The following SMYD3 variants were observed in gnomAD, a reference collection of about 807,000 sequenced individuals.
SMYD3 encodes SET and MYND domain containing 3, also known as histone-lysine N-methyltransferase SMYD3.
Under a neutral mutation model 57.7 loss-of-function variants are expected in SMYD3, and 36 were observed. That is an observed-to-expected ratio of 0.62 (90% CI 0.48 to 0.82). SMYD3 has a LOEUF of 0.82. Ranked by LOEUF, SMYD3 falls within the 40% of genes least tolerant of loss-of-function variation. The pLI is 0.00. For synonymous variants in SMYD3, 211 were observed against 195.0 expected (o/e 1.08, Z -0.68); for missense variants, 515 against 538.8 (o/e 0.96, Z 0.44).
chr1:245,957,012 A>C (rs1346602140), intron 5 of SMYD3, among the ~76,000 whole-genome samples: 1 of 152,180 alleles, frequency 6.6e-6, no homozygotes, highest in Non-Finnish European at 1.5e-5. Flanking sequence ...CTAGAAACGA[A>C]TCATCAGGCT....
Position 245,823,945 on chromosome 1 carries a change from C to T in SMYD3, c.1076+34551G>A, listed in dbSNP as rs182809370. ...GAGACCCACGTGCTCCCGAAGGCAC[C>T]GCACGCAGGGCAGGGCATGGCCAGA... is the stretch of plus-strand genomic sequence containing the variant. On this transcript the variant is annotated intron_variant, in intron 10 of 11. Coordinates refer to ENST00000490107, the MANE Select transcript of SMYD3 (RefSeq NM_001167740.2). 2.4e-4 allele frequency among the ~76,000 whole-genome samples: 37 copies of T among 152,298 alleles called. No individual in the cohort carries two copies. In the East Asian group the frequency reaches 4.1e-3, roughly 17 times the overall value.
intron 1 of SMYD3, among the ~76,000 whole-genome samples, chr1:246,439,107 G>GC (rs1265825281): frequency 1.0e-4 from 3 of 29,204 alleles, no homozygotes; most frequent in South Asian, 1.0e-3. Flanking sequence ...GTTATTTTCG[G>GC]GGGGGGGGGT....
chr1:246,195,613 G>GCA lies in SMYD3; in HGVS notation c.531+131586_531+131587dup, dbSNP rs527875900. Among the ~76,000 whole-genome samples the GCA allele has an allele frequency of 4.5e-3, 680 of 149,970 alleles. 5 individuals carry two copies. The highest frequency in any genetic ancestry group is 6.4e-3 in the Non-Finnish European group (428 of 67,316). On this transcript the variant is annotated intron_variant, in intron 5 of 11. Coordinates refer to ENST00000490107, the MANE Select transcript of SMYD3 (RefSeq NM_001167740.2). ...TACACACAAATGTGCGTGCACGCGC[G>GCA]CACACACACACACACACACGCACTG...
At chr1:246,310,819 G>A (rs1455966627) in intron 5 of SMYD3, among the ~76,000 whole-genome samples, 2 of 151,968 alleles carry the variant, frequency 1.3e-5, no homozygotes, top group African/African-American at 4.8e-5. Flanking sequence ...ACAGGCATGT[G>A]CCACCACGCC....
At chr1:246,470,046 G>T (rs1227866966) in intron 1 of SMYD3, among the ~76,000 whole-genome samples, 2 of 152,148 alleles carry the variant, frequency 1.3e-5, no homozygotes, top group African/African-American at 2.4e-5. Context: ...CTAATCATGA[G>T]AAAACATCAG....
intron 5 of SMYD3, among the ~76,000 whole-genome samples, chr1:246,073,068 C>A (rs1325963391): frequency 6.6e-6 from 1 of 152,176 alleles, no homozygotes; most frequent in East Asian, 1.9e-4. Context: ...TTTTTGATGA[C>A]TGCAGTTACA....
intron 5 of SMYD3, among the ~76,000 whole-genome samples, chr1:246,300,427 A>C (rs1457371952): frequency 6.6e-6 from 1 of 152,136 alleles, no homozygotes; most frequent in African/African-American, 2.4e-5. Context: ...TACCAAAGAG[A>C]TTTCTAAAAT....
At chr1:246,417,255 C>G (rs1420542661) in intron 1 of SMYD3, 2 of 152,208 alleles carry the variant, frequency 1.3e-5, no homozygotes, top group Admixed American at 1.3e-4. Context: ...TAAGCTGTGG[C>G]TATCTGGCCT....
chr1:245,950,679 G>T (rs1046961263), intron 5 of SMYD3, among the ~76,000 whole-genome samples: 31 of 152,166 alleles, frequency 2.0e-4, no homozygotes, highest in African/African-American at 7.2e-4. Flanking sequence ...ATATGCCTCC[G>T]ATATAAAGTT....
intron 10 of SMYD3, among the ~76,000 whole-genome samples, chr1:245,821,455 C>A (rs1396851088): frequency 1.3e-5 from 2 of 148,788 alleles, no homozygotes; most frequent in Admixed American, 6.7e-5. Flanking sequence ...AGAAGAAAAC[C>A]TAGGCATTAC....
chr1:245,768,172 G>C (rs950668059), intron 10 of SMYD3, among the ~76,000 whole-genome samples: 4 of 152,180 alleles, frequency 2.6e-5, no homozygotes, highest in African/African-American at 9.7e-5. Context: ...TCCTTTCACA[G>C]GTATAATGCT....
At chr1:246,199,686 T>A (rs2062879446) in intron 5 of SMYD3, among the ~76,000 whole-genome samples, 1 of 152,186 alleles carries the variant, frequency 6.6e-6, no homozygotes, top group African/African-American at 2.4e-5. Context: ...GGTGGATGCT[T>A]ACCAGGAGAT....
At chr1:246,456,053 T>C (rs1344631995) in intron 1 of SMYD3, among the ~76,000 whole-genome samples, 1 of 152,070 alleles carries the variant, frequency 6.6e-6, no homozygotes, top group Non-Finnish European at 1.5e-5. Flanking sequence ...CAATTAAGAG[T>C]AGGAATTATG....
intron 5 of SMYD3, among the ~76,000 whole-genome samples, chr1:246,175,371 G>A (rs907738119): frequency 2.6e-5 from 4 of 152,050 alleles, no homozygotes; most frequent in Non-Finnish European, 4.4e-5. Flanking sequence ...TTACAATTCA[G>A]GTAAAATAAA....
At chr1:246,393,531 A>C (rs922925265) in intron 1 of SMYD3, among the ~76,000 whole-genome samples, 5 of 152,218 alleles carry the variant, frequency 3.3e-5, no homozygotes, top group Admixed American at 3.3e-4. Context: ...AATTTATAAT[A>C]TTAGATAAAA....
intron 1 of SMYD3, among the ~76,000 whole-genome samples, chr1:246,428,344 T>C (rs2067250328): frequency 6.6e-6 from 1 of 152,182 alleles, no homozygotes; most frequent in Non-Finnish European, 1.5e-5. Context: ...AGAGTTAGGG[T>C]GTTTTTCAGT....
At chr1:246,080,057 A>C (rs1572990122) in intron 5 of SMYD3, among the ~76,000 whole-genome samples, 1 of 152,304 alleles carries the variant, frequency 6.6e-6, no homozygotes, top group Admixed American at 6.5e-5. Context: ...AGGGCTCTAC[A>C]CCAAAACTCG....
intron 5 of SMYD3, among the ~76,000 whole-genome samples, chr1:246,190,967 C>T (rs961206711): frequency 2.0e-5 from 3 of 152,190 alleles, no homozygotes; most frequent in Non-Finnish European, 2.9e-5. Context: ...ATGCAATATT[C>T]AACAGGTAAA....
At chr1:246,207,471 A>T (rs2063018115) in intron 5 of SMYD3, among the ~76,000 whole-genome samples, 1 of 152,174 alleles carries the variant, frequency 6.6e-6, no homozygotes, top group Admixed American at 6.5e-5. Context: ...TAAATACAGC[A>T]TAAGGAGTGA....
Sources: allele counts gnomAD v4.1 joint callset (sites outside exome capture counted in the v4.1 genomes callset), GRCh38; gene constraint gnomAD v4.1.1; transcripts MANE v1.5; gene names NCBI Gene and HGNC (gene_info 2026-07-23, HGNC 2026-07-21).